VPS35L: variants seen among roughly 807,000 people sequenced by gnomAD.
VPS35L encodes the protein VPS35 endosomal protein-sorting factor-like.
Under a neutral mutation model 133.0 loss-of-function variants are expected in VPS35L, and 83 were observed. The ratio of observed to expected loss-of-function variants is 0.62; its 90% CI spans 0.52 to 0.75. The LOEUF is 0.75. VPS35L is among the 30% of genes least tolerant of loss of function. The pLI is 0.00. For missense variants in VPS35L, 1,083 were observed against 1,206.8 expected, an observed-to-expected ratio of 0.90 and a Z score of 1.52; for synonymous variants, 423 against 449.9, an observed-to-expected ratio of 0.94 and a Z score of 0.76.
chr16:19,688,111 G>A (rs1414506491), intron 28 of VPS35L, among the ~76,000 whole-genome samples: 1 of 151,050 alleles, frequency 6.6e-6, no homozygotes, highest in South Asian at 2.1e-4. Context: ...ATTTTTATTA[G>A]AGACAGGGTT....
chr16:19,652,353 A>T (rs1313477980), intron 26 of VPS35L: 2 of 310,838 alleles, frequency 6.4e-6, no homozygotes, highest in East Asian at 1.5e-4. Flanking sequence ...TATTTTTTAT[A>T]GAGATGGAGT....
intron 14 of VPS35L, 179 bp downstream of exon 14, chr16:19,616,987 T>A: frequency 1.1e-6 from 1 of 902,604 alleles, no homozygotes; most frequent in Non-Finnish European, 1.7e-6. Context: ...TTTTCTGAGA[T>A]AGTCTCATTT....
chr16:19,645,394 A>G (rs1002035065), intron 23 of VPS35L, among the ~76,000 whole-genome samples: 3 of 148,734 alleles, frequency 2.0e-5, no homozygotes. Flanking sequence ...GGTTCACGCC[A>G]TTCTCCTGCC....
chr16:19,636,778 G>A (rs1228715943), intron 19 of VPS35L, among the ~76,000 whole-genome samples: 1 of 152,162 alleles, frequency 6.6e-6, no homozygotes, highest in African/African-American at 2.4e-5. Flanking sequence ...TTTAGAAACC[G>A]CATCTTCTTG....
chr16:19,609,840 G>A (rs1197266047), intron 11 of VPS35L, among the ~76,000 whole-genome samples: 1 of 152,140 alleles, frequency 6.6e-6, no homozygotes, highest in African/African-American at 2.4e-5. Context: ...CTTAGGCAGA[G>A]GGAAGACATA....
intron 14 of VPS35L, among the ~76,000 whole-genome samples, chr16:19,618,362 A>G (rs1429447226): frequency 6.6e-6 from 1 of 152,210 alleles, no homozygotes; most frequent in Admixed American, 6.5e-5. Context: ...AGAGATGCAC[A>G]CACGGTTTGT....
chr16:19,625,671 T>C (rs1160329940), intron 14 of VPS35L, among the ~76,000 whole-genome samples: 1 of 152,080 alleles, frequency 6.6e-6, no homozygotes, highest in Non-Finnish European at 1.5e-5. Flanking sequence ...TAGCTTCTGT[T>C]GATTGATCAG....
chr16:19,566,354 G>T (rs1156952506), intron 2 of VPS35L, among the ~76,000 whole-genome samples: 3 of 152,192 alleles, frequency 2.0e-5, no homozygotes, highest in African/African-American at 7.2e-5. Context: ...AAATTAGCTG[G>T]GCATAGTGGC....
chr16:19,619,217 GCCA>G (rs1972998346), intron 14 of VPS35L, among the ~76,000 whole-genome samples: 1 of 152,092 alleles, frequency 6.6e-6, no homozygotes, highest in Non-Finnish European at 1.5e-5. Flanking sequence ...ACAGACAAGA[GCCA>G]CCGTGCCCAG....
Position 19,616,173 on chromosome 16 carries a change from C to T in VPS35L, c.1083C>T (p.Phe361=), listed in dbSNP as rs1382270163. 5 of 1,611,968 alleles carry T rather than the reference C, an allele frequency of 3.1e-6. No homozygotes were observed. The South Asian group carries it at 5.5e-5, about 18-fold the overall frequency. Residue 361 remains phenylalanine (F), a synonymous_variant, in exon 13 of 31, where the codon TTC becomes TTT. Transcript: ENST00000417362. The part of the protein sequence containing the change: ...KETLNKNFFD[F]LLTFKQIHGD... ...CCCTAAATAAGAACTTTTTTGACTT[C>T]CTCCTTACGTTCAAACAGGTAAGAG... is the stretch of plus-strand genomic sequence containing the variant.
At chr16:19,687,060 G>A (rs1016536305) in intron 28 of VPS35L, among the ~76,000 whole-genome samples, 2 of 152,170 alleles carry the variant, frequency 1.3e-5, no homozygotes, top group Non-Finnish European at 2.9e-5. Flanking sequence ...CTCACAGACT[G>A]TGACCTCTGT....
At chr16:19,679,856 A>G (rs951165072) in intron 27 of VPS35L, among the ~76,000 whole-genome samples, 1 of 152,148 alleles carries the variant, frequency 6.6e-6, no homozygotes, top group African/African-American at 2.4e-5. Flanking sequence ...AAAACATCCC[A>G]CGCCCCTCCA....
intron 19 of VPS35L, among the ~76,000 whole-genome samples, chr16:19,634,868 C>T (rs982870871): frequency 1.3e-5 from 2 of 152,166 alleles, no homozygotes; most frequent in Non-Finnish European, 2.9e-5. Flanking sequence ...ACAGCAGAGA[C>T]AGTGGACAGT....
chr16:19,650,338 C>T (rs936845482), intron 24 of VPS35L, 44 bp from the exon 25 acceptor site: 11 of 1,443,944 alleles, frequency 7.6e-6, no homozygotes, highest in African/African-American at 5.6e-5. Flanking sequence ...TCATCTGAAT[C>T]GGCCATCGCT....
At chr16:19,644,120 G>A (rs943725179) in intron 22 of VPS35L, among the ~76,000 whole-genome samples, 1 of 151,618 alleles carries the variant, frequency 6.6e-6, no homozygotes, top group East Asian at 1.9e-4. Context: ...ATAACTTTGG[G>A]GAACTATTTA....
At chr16:19,579,176 C>T in intron 6 of VPS35L, 48 bp downstream of exon 6, 4 of 1,559,228 alleles carry the variant, frequency 2.6e-6, no homozygotes, top group Non-Finnish European at 2.6e-6. Context: ...GCTTTTCCTT[C>T]CTCCTGCCAA....
intron 3 of VPS35L, among the ~76,000 whole-genome samples, chr16:19,571,531 ATTTATTTTAT>A (rs576553986): frequency 1.3e-5 from 2 of 150,144 alleles, no homozygotes; most frequent in South Asian, 2.1e-4. Flanking sequence ...TTTTTTTTTA[ATTTATTTTAT>A]TTTATTTTAT....
intron 7 of VPS35L, among the ~76,000 whole-genome samples, chr16:19,589,816 C>T (rs1971983552): frequency 6.6e-6 from 1 of 152,156 alleles, no homozygotes; most frequent in Non-Finnish European, 1.5e-5. Context: ...ATTTGAAATC[C>T]TCTGTTTAAA....
At chr16:19,651,211 G>T (rs1974113005) in intron 25 of VPS35L, among the ~76,000 whole-genome samples, 1 of 151,644 alleles carries the variant, frequency 6.6e-6, no homozygotes, top group South Asian at 2.1e-4. Context: ...ATCATTTTCA[G>T]CTTCTTGAAG....
Sources: gnomAD v4.1 joint callset for allele counts (sites outside exome capture counted in the v4.1 genomes callset) on GRCh38, gnomAD v4.1.1 for gene constraint, MANE v1.5 for transcripts, NCBI Gene and HGNC (gene_info 2026-07-23, HGNC 2026-07-21) for gene names.